DNAJC5B: variants seen among roughly 807,000 people sequenced by gnomAD.
DNAJC5B encodes DnaJ heat shock protein family (Hsp40) member C5 beta.
A neutral mutation model predicts 24.7 loss-of-function variants in DNAJC5B; 23 were observed. That is an observed-to-expected ratio of 0.93 (90% CI 0.67 to 1.32). The LOEUF (loss-of-function observed/expected upper bound fraction) is 1.32. Ranked by LOEUF, DNAJC5B falls within the 40% of genes most tolerant of loss-of-function variation. The pLI is 0.00. For missense variants in DNAJC5B, 238 were observed against 240.8 expected (o/e 0.99, Z 0.08); for synonymous variants, 101 against 90.1 (o/e 1.12, Z -0.68).
intron 1 of DNAJC5B, among the ~76,000 whole-genome samples, chr8:66,030,274 T>C (rs1322707619): frequency 6.6e-6 from 1 of 152,198 alleles, no homozygotes; most frequent in Admixed American, 6.5e-5. Context: ...ACTGTGTCCT[T>C]TGACACCTTC....
chr8:66,079,937 G>C (rs1459117788), intron 4 of DNAJC5B, among the ~76,000 whole-genome samples: 1 of 152,102 alleles, frequency 6.6e-6, no homozygotes, highest in African/African-American at 2.4e-5. Context: ...GAGTGTAGGA[G>C]GGGGAGGTAT....
chr8:66,100,076 C>A lies in DNAJC5B; in HGVS notation c.*45C>A. On this transcript the variant is annotated 3_prime_UTR_variant, in exon 6 of 6. Transcript: ENST00000276570. Reference sequence around the variant, plus strand: ...CCACAGTCCCTCCTCTCAGTTCAGTCTTGTCTCCAGATGGTCGTAGGGGAG... The same window carrying A: ...CCACAGTCCCTCCTCTCAGTTCAGTATTGTCTCCAGATGGTCGTAGGGGAG... 6.4e-7 allele frequency: 1 copy of A among 1,559,960 alleles called. No homozygotes were observed. The highest frequency in any genetic ancestry group is 8.8e-7 in the Non-Finnish European group (1 of 1,135,728).
chr8:66,027,939 G>T (rs1806281341), intron 1 of DNAJC5B, among the ~76,000 whole-genome samples: 1 of 152,194 alleles, frequency 6.6e-6, no homozygotes, highest in South Asian at 2.1e-4. Flanking sequence ...TAAAATGTTT[G>T]ACATAAGTTG....
chr8:66,091,546 C>T, intron 5 of DNAJC5B, among the ~76,000 whole-genome samples: 1 of 152,128 alleles, frequency 6.6e-6, no homozygotes. Flanking sequence ...CAGGTAGAGT[C>T]ATATTGGGCT....
chr8:66,050,304 T>C (rs1476488809), intron 2 of DNAJC5B, among the ~76,000 whole-genome samples: 1 of 151,758 alleles, frequency 6.6e-6, no homozygotes, highest in Admixed American at 6.6e-5. Flanking sequence ...CAAGAAAAAA[T>C]ATGCATGTAC....
At position 66,080,533 on chromosome 8, in the gene DNAJC5B, T is replaced by G; in HGVS notation, c.490T>G (p.Ser164Ala). The G allele has an allele frequency of 6.2e-7, 1 of 1,609,774 alleles. No homozygotes were observed. The highest frequency in any genetic ancestry group is 8.5e-7 in the Non-Finnish European group (1 of 1,177,914). ...SPEDLEEQIK[S>A]DMEKDVDFPV... Reference sequence around the variant, plus strand: ...AGAGGATCTGGAGGAGCAGATCAAGTCTGACATGGAAAAAGGTGGGGTAGG... The same window carrying G: ...AGAGGATCTGGAGGAGCAGATCAAGGCTGACATGGAAAAAGGTGGGGTAGG... The change falls in exon 5 of 6, where the codon TCT (serine) becomes GCT (alanine). Residue 164 changes from serine to alanine, a missense_variant. Coordinates refer to ENST00000276570, the MANE Select transcript of DNAJC5B (RefSeq NM_033105.6).
At chr8:66,058,512 C>T (rs1249228278) in intron 3 of DNAJC5B, among the ~76,000 whole-genome samples, 1 of 152,200 alleles carries the variant, frequency 6.6e-6, no homozygotes, top group Non-Finnish European at 1.5e-5. Flanking sequence ...CCCACTACCA[C>T]TTAGCAAGGA....
intron 5 of DNAJC5B, among the ~76,000 whole-genome samples, chr8:66,084,214 T>C (rs1807668608): frequency 6.6e-6 from 1 of 152,194 alleles, no homozygotes; most frequent in Non-Finnish European, 1.5e-5. Context: ...GTCCAATAAA[T>C]GGACTGGACT....
chr8:66,092,833 A>G (rs949944380), intron 5 of DNAJC5B, among the ~76,000 whole-genome samples: 2 of 152,058 alleles, frequency 1.3e-5, no homozygotes, highest in Non-Finnish European at 2.9e-5. Flanking sequence ...TTCAACTTTT[A>G]TTTTAGATTC....
intron 3 of DNAJC5B, among the ~76,000 whole-genome samples, chr8:66,053,958 G>T (rs1806910359): frequency 6.8e-6 from 1 of 146,820 alleles, no homozygotes. Context: ...TTTTTAACAA[G>T]GTCTTATCAT....
At chr8:66,097,474 C>T (rs558414273) in intron 5 of DNAJC5B, among the ~76,000 whole-genome samples, 3 of 151,440 alleles carry the variant, frequency 2.0e-5, no homozygotes, top group Admixed American at 6.6e-5. Context: ...TTTTAAGCCT[C>T]GTAAATTTTT....
chr8:66,068,152 T>G (rs1214371360), intron 3 of DNAJC5B, among the ~76,000 whole-genome samples: 2 of 152,200 alleles, frequency 1.3e-5, no homozygotes, highest in African/African-American at 4.8e-5. Context: ...CTTAAATATG[T>G]TTTAATGCAA....
chr8:66,096,305 A>C (rs1013524135), intron 5 of DNAJC5B, among the ~76,000 whole-genome samples: 2 of 152,138 alleles, frequency 1.3e-5, no homozygotes, highest in African/African-American at 4.8e-5. Flanking sequence ...TACCTCTTTA[A>C]AGACCCTATC....
intron 3 of DNAJC5B, among the ~76,000 whole-genome samples, chr8:66,055,813 A>AT (rs1196839873): frequency 1.3e-5 from 2 of 152,124 alleles, no homozygotes; most frequent in African/African-American, 4.8e-5. Context: ...GTGGTGACGC[A>AT]TGCCTGTAAT....
Position 66,076,776 on chromosome 8 carries a change from T to C in DNAJC5B, c.236T>C (p.Ile79Thr). 5 of 1,614,166 alleles carry C rather than the reference T, an allele frequency of 3.1e-6. No individual in the cohort carries two copies. Among genetic ancestry groups the C allele is most frequent in the Non-Finnish European group, 8.5e-7 (1 of 1,180,008 alleles). The change falls in exon 4 of 6, where the codon ATA (isoleucine) becomes ACA (threonine). Residue 79 changes from isoleucine to threonine, a missense_variant. Coordinates refer to ENST00000276570, the MANE Select transcript of DNAJC5B (RefSeq NM_033105.6). ...CTTACCGACATTTCAAAGAGAAGCA[T>C]ATACGACAAGTACGGATCGCTGGGA... ...AILTDISKRS[I>T]YDKYGSLGLY... is the part of the protein sequence containing the mutation.
intron 5 of DNAJC5B, among the ~76,000 whole-genome samples, chr8:66,094,130 G>A (rs184377339): frequency 3.5e-4 from 53 of 152,032 alleles, no homozygotes; most frequent in African/African-American, 7.7e-4. Context: ...TGTACTTCAG[G>A]TGAGTCATAT....
At chr8:66,084,528 A>G (rs958967514) in intron 5 of DNAJC5B, among the ~76,000 whole-genome samples, 1 of 152,100 alleles carries the variant, frequency 6.6e-6, no homozygotes, top group Non-Finnish European at 1.5e-5. Context: ...TGAGGAATCA[A>G]CCCTCACCTC....
At chr8:66,026,343 G>A (rs1806243442) in intron 1 of DNAJC5B, among the ~76,000 whole-genome samples, 1 of 152,134 alleles carries the variant, frequency 6.6e-6, no homozygotes, top group South Asian at 2.1e-4. Flanking sequence ...TGGGGTTTTT[G>A]CGGTTTTGAA....
At chr8:66,064,123 G>T (rs543112529) in intron 3 of DNAJC5B, among the ~76,000 whole-genome samples, 8 of 152,258 alleles carry the variant, frequency 5.3e-5, no homozygotes, top group African/African-American at 1.9e-4. Context: ...TAAGGAAATT[G>T]TCAGTGAGAC....
Sources: gnomAD v4.1 joint callset for allele counts (sites outside exome capture counted in the v4.1 genomes callset) on GRCh38, gnomAD v4.1.1 for gene constraint, MANE v1.5 for transcripts, NCBI Gene and HGNC (gene_info 2026-07-23, HGNC 2026-07-21) for gene names.